GNB4: variants seen among roughly 807,000 people sequenced by gnomAD.
GNB4 encodes G protein subunit beta 4.
GNB4 carries 28 observed loss-of-function variants against 45.2 expected under a neutral mutation model. That is an observed-to-expected ratio of 0.62 (90% confidence interval 0.46 to 0.85). The LOEUF is 0.85. GNB4 is among the 40% of genes least tolerant of loss of function. The pLI is 0.00. For synonymous variants in GNB4, 132 were observed against 143.7 expected (o/e 0.92, Z 0.58); for missense variants, 321 against 425.4 (o/e 0.75, Z 2.16).
At chr3:179,401,391 A>C in intron 9 of GNB4, 72 bp from the exon 10 acceptor site, 1 of 800,554 alleles carries the variant, frequency 1.2e-6, no homozygotes, top group Admixed American at 2.6e-5. Context: ...GCAGAGATTT[A>C]AAAGGGTGCT....
At chr3:179,485,451 A>C in the GNB4 span, among the ~76,000 whole-genome samples, 3 of 152,158 alleles carry the variant, frequency 2.0e-5, no homozygotes, top group Admixed American at 2.0e-4. Flanking sequence ...TCAACCCAGT[A>C]TTTCTTTTGC....
chr3:179,503,194 C>T, the GNB4 span, among the ~76,000 whole-genome samples: 1 of 152,056 alleles, frequency 6.6e-6, no homozygotes, highest in African/African-American at 2.4e-5. Flanking sequence ...TAAAAAAACC[C>T]ATAAATATTG....
chr3:179,446,944 C>A (rs1037913766), intron 1 of GNB4, among the ~76,000 whole-genome samples: 1 of 152,068 alleles, frequency 6.6e-6, no homozygotes, highest in Non-Finnish European at 1.5e-5. Context: ...TCTAGAGATT[C>A]GGTAGTAAAC....
the GNB4 span, among the ~76,000 whole-genome samples, chr3:179,501,490 AT>A: frequency 5.7e-4 from 83 of 144,630 alleles, no homozygotes; most frequent in Middle Eastern, 3.6e-3. Flanking sequence ...TTTGGTTTGG[AT>A]TTTTTTTTTT....
chr3:179,462,533 A>T, the GNB4 span, among the ~76,000 whole-genome samples: 5 of 152,120 alleles, frequency 3.3e-5, no homozygotes, highest in East Asian at 3.8e-4. Flanking sequence ...CTTCTTTTTT[A>T]AAATCTATTA....
intron 6 of GNB4, among the ~76,000 whole-genome samples, 179 bp from the exon 7 acceptor site, chr3:179,413,960 A>G (rs1417065329): frequency 6.6e-6 from 1 of 152,248 alleles, no homozygotes; most frequent in African/African-American, 2.4e-5. Context: ...ACCAAATTTT[A>G]TCCACAAACC....
the GNB4 span, among the ~76,000 whole-genome samples, chr3:179,468,035 A>AAAAAAAAAAAAAAATATATATATATAT: frequency 6.7e-5 from 6 of 89,856 alleles, no homozygotes; most frequent in South Asian, 4.5e-4. Context: ...TGTTGATAAA[A>AAAAAAAAAAAAAAATATATATATATAT]ATATATATAT....
At chr3:179,498,505 C>T in the GNB4 span, among the ~76,000 whole-genome samples, 4 of 152,082 alleles carry the variant, frequency 2.6e-5, no homozygotes, top group Admixed American at 1.3e-4. Flanking sequence ...GGCGCGATCT[C>T]GGCTCACTGC....
At chr3:179,493,751 G>A in the GNB4 span, among the ~76,000 whole-genome samples, 1 of 152,200 alleles carries the variant, frequency 6.6e-6, no homozygotes, top group African/African-American at 2.4e-5. Flanking sequence ...TGCACAGGCT[G>A]AAGTGCAAAA....
At chr3:179,460,585 C>G in the GNB4 span, among the ~76,000 whole-genome samples, 1 of 152,178 alleles carries the variant, frequency 6.6e-6, no homozygotes, top group Non-Finnish European at 1.5e-5. Context: ...ATAAAACTTA[C>G]TGTAGATTTG....
chr3:179,423,500 T>C (rs1374446926), intron 2 of GNB4, among the ~76,000 whole-genome samples: 1 of 152,128 alleles, frequency 6.6e-6, no homozygotes, highest in East Asian at 1.9e-4. Context: ...GTTAAGAAAC[T>C]TGACTGGGCG....
At chr3:179,443,069 T>A (rs891562192) in intron 1 of GNB4, among the ~76,000 whole-genome samples, 2 of 152,210 alleles carry the variant, frequency 1.3e-5, no homozygotes, top group African/African-American at 4.8e-5. Flanking sequence ...AGGGTTAGAA[T>A]ATGACAACTG....
chr3:179,427,879 T>C (rs1276085674), intron 1 of GNB4, among the ~76,000 whole-genome samples: 1 of 152,186 alleles, frequency 6.6e-6, no homozygotes. Flanking sequence ...TCTCTTCTTA[T>C]CTTCCTTGGT....
At chr3:179,463,690 T>C in the GNB4 span, among the ~76,000 whole-genome samples, 1 of 152,344 alleles carries the variant, frequency 6.6e-6, no homozygotes, top group African/African-American at 2.4e-5. Context: ...TATAAACTAG[T>C]GAGGAGCTGC....
At chr3:179,511,267 A>C in the GNB4 span, among the ~76,000 whole-genome samples, 1 of 152,176 alleles carries the variant, frequency 6.6e-6, no homozygotes, top group Non-Finnish European at 1.5e-5. Context: ...TGTTTGGTTA[A>C]TGTCTCCTTC....
At chr3:179,475,995 T>A in the GNB4 span, among the ~76,000 whole-genome samples, 1 of 152,152 alleles carries the variant, frequency 6.6e-6, no homozygotes. Context: ...CTTCACTCCA[T>A]CCCAATAGCC....
rs779778075 is a variant in GNB4, at chr3:179,420,870, A to G, written c.96+19T>C. ...TTTTATGAGTTACCAAAATGAAATAAAGAAAAACAAAACTTTACCTGAACA... is the reference window on the plus strand; with the variant it reads ...TTTTATGAGTTACCAAAATGAAATAGAGAAAAACAAAACTTTACCTGAACA... On this transcript the variant is annotated intron_variant, in intron 3 of 9. Coordinates refer to ENST00000232564, the MANE Select transcript of GNB4 (RefSeq NM_021629.4). 2.0e-6 allele frequency: 3 copies of G among 1,529,996 alleles called. No homozygotes were observed. The highest frequency in any genetic ancestry group is 2.7e-6 in the Non-Finnish European group (3 of 1,107,660). 94.8% of individuals were successfully genotyped at this position (1,529,996 alleles called of 1,614,324 possible). A position where few individuals can be genotyped will look rare whatever the true frequency, so the allele number is the denominator to read the frequency against.
intron 1 of GNB4, among the ~76,000 whole-genome samples, chr3:179,446,361 G>C (rs1413877142): frequency 6.6e-6 from 1 of 152,162 alleles, no homozygotes; most frequent in Non-Finnish European, 1.5e-5. Context: ...GAGAGAAAGA[G>C]GTCTTTGAAC....
chr3:179,513,153 A>G, the GNB4 span, among the ~76,000 whole-genome samples: 1 of 151,116 alleles, frequency 6.6e-6, no homozygotes, highest in Admixed American at 6.6e-5. Flanking sequence ...TTTTTTCAAT[A>G]CTAAAGAAAG....
Sources: allele counts gnomAD v4.1 joint callset (sites outside exome capture counted in the v4.1 genomes callset), GRCh38; gene constraint gnomAD v4.1.1; transcripts MANE v1.5; gene names NCBI Gene and HGNC (gene_info 2026-07-23, HGNC 2026-07-21).